The following AOAH variants were observed in gnomAD, a reference collection of about 807,000 sequenced individuals.
AOAH encodes the protein acyloxyacyl hydrolase (neutrophil).
In AOAH, 64 loss-of-function variants were observed where a neutral mutation model predicts 92.2. The observed-to-expected ratio is 0.69, with a 90% confidence interval of 0.57 to 0.86. The LOEUF (loss-of-function observed/expected upper bound fraction) is 0.86. AOAH is among the 40% of genes least tolerant of loss of function. The pLI, the probability that AOAH is intolerant of heterozygous loss-of-function variation, is 0.00. For synonymous variants in AOAH, 263 were observed against 254.5 expected (o/e 1.03, Z -0.32); for missense variants, 656 against 694.6 (o/e 0.94, Z 0.62).
chr7:36,620,757 T>A, intron 9 of AOAH, 24 bp downstream of exon 9: 1 of 1,611,366 alleles, frequency 6.2e-7, no homozygotes, highest in Non-Finnish European at 8.5e-7. Flanking sequence ...GAGAATGGGG[T>A]TCAAGCTGAA....
chr7:36,705,058 G>A (rs769669343), intron 1 of AOAH, among the ~76,000 whole-genome samples: 5 of 152,148 alleles, frequency 3.3e-5, no homozygotes, highest in Non-Finnish European at 5.9e-5. Flanking sequence ...GCAAAAGCTA[G>A]AAGCATTCCC....
chr7:36,677,639 C>T (rs1181864840), intron 2 of AOAH, among the ~76,000 whole-genome samples: 1 of 152,096 alleles, frequency 6.6e-6, no homozygotes, highest in African/African-American at 2.4e-5. Flanking sequence ...TATGTCCACA[C>T]AGAAATGTGT....
chr7:36,590,259 A>G (rs563514795), intron 12 of AOAH, among the ~76,000 whole-genome samples: 1 of 152,066 alleles, frequency 6.6e-6, no homozygotes, highest in East Asian at 1.9e-4. Context: ...TTTTCTTCCT[A>G]TTTACAGTTA....
intron 1 of AOAH, among the ~76,000 whole-genome samples, chr7:36,720,662 G>T (rs1799564107): frequency 6.6e-6 from 1 of 152,136 alleles, no homozygotes; most frequent in South Asian, 2.1e-4. Context: ...GGCACTAAGG[G>T]CCCAGTTCAA....
At chr7:36,630,978 G>T (rs954388453) in intron 6 of AOAH, among the ~76,000 whole-genome samples, 1 of 152,092 alleles carries the variant, frequency 6.6e-6, no homozygotes, top group African/African-American at 2.4e-5. Context: ...GAAACATATC[G>T]AAAGTTCAGC....
chr7:36,536,982 A>AAACC (rs1348134848), intron 16 of AOAH, among the ~76,000 whole-genome samples: 1 of 140,864 alleles, frequency 7.1e-6, no homozygotes, highest in Non-Finnish European at 1.5e-5. Context: ...AAAAAGAATC[A>AAACC]CACCTTCCTA....
intron 15 of AOAH, among the ~76,000 whole-genome samples, chr7:36,548,008 T>A (rs1358347222): frequency 6.6e-6 from 1 of 152,064 alleles, no homozygotes; most frequent in Non-Finnish European, 1.5e-5. Context: ...CTTATTTTAT[T>A]AAAAAAAATC....
chr7:36,552,420 T>A (rs1786334123), intron 13 of AOAH, among the ~76,000 whole-genome samples: 1 of 152,194 alleles, frequency 6.6e-6, no homozygotes, highest in Admixed American at 6.5e-5. Context: ...GGTATTTGGG[T>A]TGATTTCATC....
At chr7:36,543,947 C>CTTTCTTTCT (rs55745823) in intron 15 of AOAH, among the ~76,000 whole-genome samples, 2 of 91,008 alleles carry the variant, frequency 2.2e-5, no homozygotes, top group African/African-American at 8.7e-5. Flanking sequence ...TTCTTTCTTT[C>CTTTCTTTCT]TTTTTTTTTT....
In AOAH at chr7:36,670,223, CAAGTAAA is replaced by C. The variant is rs549492037; in HGVS notation, c.290+3713_290+3719del. Among the ~76,000 whole-genome samples the C allele has an allele frequency of 3.3e-5, 5 of 152,294 alleles. No homozygotes were observed. The South Asian group carries it at 1.0e-3, about 32-fold the overall frequency. Reference sequence around the variant, plus strand: ...CATTTAATATTGGAAGACTGATATTCAAGTAAAACTAAATCATGAGGTTGTCATTTTC... The same window carrying C: ...CATTTAATATTGGAAGACTGATATTCACTAAATCATGAGGTTGTCATTTTC... On this transcript the variant is annotated intron_variant, in intron 3 of 20. Transcript: ENST00000617537.
rs997048507 is a variant in AOAH at position 36,516,486 on chromosome 7, C to CAG, written c.1600-3108_1600-3107dup. Reference sequence around the variant, plus strand: ...CACGGATACCACACACACACACACACAGAAAGCGCACACAGCATTCACACC... The same window carrying CAG: ...CACGGATACCACACACACACACACACAGAGAAAGCGCACACAGCATTCACACC... On this transcript the variant is annotated intron_variant, in intron 20 of 20. Coordinates refer to ENST00000617537, the MANE Select transcript of AOAH (RefSeq NM_001637.4). This position sits in a 1 kb window ranked among gnomAD's most constrained non-coding sequence, Gnocchi z 5.0. Among the ~76,000 whole-genome samples, 2 of 147,508 alleles carry CAG rather than the reference C, an allele frequency of 1.4e-5. No individual in the cohort carries two copies. The highest frequency in any genetic ancestry group is 2.5e-5 in the African/African-American group (1 of 40,640).
chr7:36,532,610 G>A (rs1406488157), intron 16 of AOAH, among the ~76,000 whole-genome samples: 1 of 152,206 alleles, frequency 6.6e-6, no homozygotes, highest in Non-Finnish European at 1.5e-5. Flanking sequence ...GCTGGGGGAA[G>A]TGGCCTCATC....
chr7:36,573,305 C>T (rs12667833), intron 13 of AOAH, among the ~76,000 whole-genome samples: 13,506 of 152,222 alleles, frequency 0.089, 714 homozygotes, highest in Admixed American at 0.14. Context: ...TTCTGAGAGC[C>T]ACTGCAAGCC....
intron 9 of AOAH, 146 bp downstream of exon 9, chr7:36,620,635 T>C (rs1486128760): frequency 5.8e-6 from 4 of 686,720 alleles, no homozygotes; most frequent in Non-Finnish European, 1.0e-5. Context: ...TCATCAGGAT[T>C]CTATACCCCT....
intron 8 of AOAH, among the ~76,000 whole-genome samples, chr7:36,621,381 G>C (rs942566564): frequency 3.3e-5 from 5 of 152,186 alleles, no homozygotes; most frequent in African/African-American, 1.2e-4. Context: ...GATACAGAAG[G>C]CTGGATAAGT....
At chr7:36,563,454 G>A (rs192895076) in intron 13 of AOAH, among the ~76,000 whole-genome samples, 1 of 152,208 alleles carries the variant, frequency 6.6e-6, no homozygotes, top group Non-Finnish European at 1.5e-5. Flanking sequence ...CTGCTCATTT[G>A]GTGGTGGCCC....
At chr7:36,695,030 T>C (rs1797629770) in intron 1 of AOAH, among the ~76,000 whole-genome samples, 1 of 152,218 alleles carries the variant, frequency 6.6e-6, no homozygotes, top group Non-Finnish European at 1.5e-5. Context: ...TGGAAAGTTT[T>C]CAACTGACAA....
chr7:36,723,451 G>C (rs1012321659), intron 1 of AOAH, among the ~76,000 whole-genome samples: 2 of 152,216 alleles, frequency 1.3e-5, no homozygotes, highest in Non-Finnish European at 2.9e-5. Context: ...GATTCTCTGA[G>C]AGACGGAAGG....
chr7:36,523,002 G>A (rs1001060322), intron 19 of AOAH, among the ~76,000 whole-genome samples: 5 of 152,144 alleles, frequency 3.3e-5, no homozygotes, highest in Non-Finnish European at 5.9e-5. Context: ...TGGACAAGAC[G>A]GGCTGGACTT....
Sources: gnomAD v4.1 joint callset for allele counts (sites outside exome capture counted in the v4.1 genomes callset) on GRCh38, gnomAD v4.1.1 for gene constraint, Gnocchi (gnomAD v3.1) non-coding constraint, MANE v1.5 for transcripts, NCBI Gene and HGNC (gene_info 2026-07-23, HGNC 2026-07-21) for gene names.